EFCAB11: variants seen among roughly 807,000 people sequenced by gnomAD.
The protein encoded by EFCAB11 is EF-hand calcium binding domain 11, also known as EF-hand calcium-binding domain-containing protein 11.
Under a neutral mutation model 23.0 loss-of-function variants are expected in EFCAB11, and 14 were observed. That is an observed-to-expected ratio of 0.61 (90% confidence interval 0.40 to 0.95). EFCAB11 has a LOEUF of 0.95. Ranked by LOEUF, EFCAB11 falls within the 40% of genes least tolerant of loss-of-function variation. The probability of loss-of-function intolerance (pLI) is 0.00; values close to 1 mark genes in which losing one functional copy is unlikely to be tolerated. For missense variants in EFCAB11, 198 were observed against 195.8 expected (o/e 1.01, Z -0.07); for synonymous variants, 65 against 66.6 (o/e 0.98, Z 0.11).
At chr14:89,837,117 G>A in intron 5 of EFCAB11, 1 of 456,326 alleles carries the variant, frequency 2.2e-6, no homozygotes, top group South Asian at 1.5e-5. Context: ...ATATGGCAGA[G>A]TAAACACTTG....
At chr14:89,853,639 A>G (rs530566282) in intron 5 of EFCAB11, among the ~76,000 whole-genome samples, 8 of 152,342 alleles carry the variant, frequency 5.3e-5, no homozygotes, top group African/African-American at 1.7e-4. Flanking sequence ...TGAATATTAA[A>G]TAAAAGGGAT....
intron 2 of EFCAB11, 21 bp from the exon 3 acceptor site, chr14:89,950,163 A>G (rs1891118963): frequency 6.5e-7 from 1 of 1,549,424 alleles, no homozygotes; most frequent in Non-Finnish European, 8.8e-7. Flanking sequence ...GGAAAAAATA[A>G]TAGAACATGT....
chr14:89,810,228 G>C (rs894216931), intron 5 of EFCAB11, among the ~76,000 whole-genome samples: 1 of 152,202 alleles, frequency 6.6e-6, no homozygotes, highest in African/African-American at 2.4e-5. Context: ...GAGCATGTGA[G>C]TGGGAGAGTT....
intron 5 of EFCAB11, among the ~76,000 whole-genome samples, chr14:89,855,292 G>A (rs1006245801): frequency 6.6e-6 from 1 of 151,652 alleles, no homozygotes; most frequent in African/African-American, 2.4e-5. Flanking sequence ...CCTGGGCAAC[G>A]TGGCGAAACC....
chr14:89,833,850 A>G (rs1207754729), intron 5 of EFCAB11, among the ~76,000 whole-genome samples: 1 of 152,224 alleles, frequency 6.6e-6, no homozygotes, highest in Non-Finnish European at 1.5e-5. Flanking sequence ...ACTCTCTGCC[A>G]AGAACTACAG....
At chr14:89,927,755 C>G (rs1469020652) in intron 5 of EFCAB11, among the ~76,000 whole-genome samples, 1 of 150,862 alleles carries the variant, frequency 6.6e-6, no homozygotes, top group Non-Finnish European at 1.5e-5. Flanking sequence ...GAGTCTCGCT[C>G]TTGTTGCCCA....
At chr14:89,885,870 T>C (rs1296525675) in intron 5 of EFCAB11, among the ~76,000 whole-genome samples, 5 of 146,566 alleles carry the variant, frequency 3.4e-5, no homozygotes, top group African/African-American at 1.2e-4. Context: ...GAAGTTGGCT[T>C]CTTGTTTTTT....
intron 5 of EFCAB11, among the ~76,000 whole-genome samples, chr14:89,851,798 G>A (rs1168546273): frequency 6.6e-6 from 1 of 152,132 alleles, no homozygotes. Flanking sequence ...AGAGACGCGG[G>A]TCTAAGGCAA....
rs749268832 is a variant in EFCAB11, at chr14:89,954,579, A to AACCTACTTCC, written c.72_75+6dup. ...GTCCGAGGCTCAGTCGCCCTCCGGAAACCTACTTCCACCCACTTCCTGTGT... is the reference window on the plus strand; with the variant it reads ...GTCCGAGGCTCAGTCGCCCTCCGGAAACCTACTTCCACCTACTTCCACCCACTTCCTGTGT... On this transcript the variant is annotated splice_region_variant and intron_variant, in intron 1 of 5. Coordinates refer to ENST00000316738, the MANE Select transcript of EFCAB11 (RefSeq NM_145231.4). 6.2e-7 allele frequency: 1 copy of AACCTACTTCC among 1,613,688 alleles called. No homozygotes were observed. Among genetic ancestry groups the AACCTACTTCC allele is most frequent in the Admixed American group, 1.7e-5 (1 of 60,000 alleles).
intron 5 of EFCAB11, among the ~76,000 whole-genome samples, chr14:89,912,337 G>A (rs963377079): frequency 1.3e-5 from 2 of 152,080 alleles, no homozygotes; most frequent in Non-Finnish European, 2.9e-5. Flanking sequence ...TGTTCAAACC[G>A]TTAAGGAGAC....
chr14:89,919,492 T>C (rs1012343729), intron 5 of EFCAB11, among the ~76,000 whole-genome samples: 7 of 152,136 alleles, frequency 4.6e-5, no homozygotes, highest in African/African-American at 1.4e-4. Context: ...GTGTGGCATG[T>C]GGAGGACATG....
At chr14:89,923,703 G>C (rs1596456793) in intron 5 of EFCAB11, 14 of 985,268 alleles carry the variant, frequency 1.4e-5, no homozygotes, top group Non-Finnish European at 1.7e-5. Flanking sequence ...ACTAAATTAG[G>C]TACTCATTTT....
chr14:89,835,479 C>T (rs1887043035), intron 5 of EFCAB11, among the ~76,000 whole-genome samples: 1 of 151,876 alleles, frequency 6.6e-6, no homozygotes, highest in Middle Eastern at 3.4e-3. Flanking sequence ...TGACTGCAAC[C>T]AGTCACATGA....
At position 89,886,531 on chromosome 14, in the gene EFCAB11, AAAAAAAAAAAAAAG is replaced by A. The variant is rs1287781028; in HGVS notation, c.410+44996_410+45009del. On this transcript the variant is annotated intron_variant, in intron 5 of 5. Coordinates refer to ENST00000316738, the MANE Select transcript of EFCAB11 (RefSeq NM_145231.4). ...AAACTCCGTCTCAAAAAAAAAAAAA[AAAAAAAAAAAAAAG>A]GAAAGTGATCTGCTTTACTCAAGAT... Among the ~76,000 whole-genome samples, 10 of 143,862 alleles carry A rather than the reference AAAAAAAAAAAAAAG, an allele frequency of 7.0e-5. No individual in the cohort carries two copies. The East Asian group carries it at 1.2e-3, about 17-fold the overall frequency. 94.4% of individuals were successfully genotyped at this position (143,862 alleles called of 152,430 possible).
chr14:89,950,185 GT>G, intron 2 of EFCAB11, 43 bp from the exon 3 acceptor site: 1 of 1,517,102 alleles, frequency 6.6e-7, no homozygotes, highest in Non-Finnish European at 8.9e-7. Flanking sequence ...ATTTTATCAC[GT>G]TTTCACAGTG....
intron 5 of EFCAB11, among the ~76,000 whole-genome samples, chr14:89,922,496 T>G (rs1166143798): frequency 2.0e-5 from 3 of 152,168 alleles, no homozygotes; most frequent in Non-Finnish European, 4.4e-5. Flanking sequence ...GTTCACTGAT[T>G]TGTGGAAAAA....
intron 5 of EFCAB11, among the ~76,000 whole-genome samples, chr14:89,884,396 T>C (rs1888689797): frequency 6.6e-6 from 1 of 152,136 alleles, no homozygotes; most frequent in Admixed American, 6.5e-5. Context: ...ATAAAGGTTA[T>C]TTATCCCCTA....
At chr14:89,935,462 C>T (rs1890548613) in intron 3 of EFCAB11, among the ~76,000 whole-genome samples, 1 of 146,074 alleles carries the variant, frequency 6.8e-6, no homozygotes, top group African/African-American at 2.5e-5. Context: ...AGTGCAAAGG[C>T]TAGTCACAGG....
intron 5 of EFCAB11, among the ~76,000 whole-genome samples, chr14:89,816,773 C>A (rs1482730300): frequency 1.3e-5 from 2 of 152,108 alleles, no homozygotes; most frequent in Non-Finnish European, 2.9e-5. Context: ...TCATTAATTG[C>A]TACAGCTGCG....
Sources: gnomAD v4.1 joint callset for allele counts (sites outside exome capture counted in the v4.1 genomes callset) on GRCh38, gnomAD v4.1.1 for gene constraint, MANE v1.5 for transcripts, NCBI Gene and HGNC (gene_info 2026-07-23, HGNC 2026-07-21) for gene names.